The following MRO variants were observed in gnomAD, a reference collection of about 807,000 sequenced individuals.
MRO encodes protein maestro.
MRO carries 28 observed loss-of-function variants against 31.0 expected under a neutral mutation model. That is an observed-to-expected ratio of 0.90 (90% confidence interval 0.67 to 1.24). MRO has a LOEUF of 1.24. Ranked by LOEUF, MRO falls within the 50% of genes most tolerant of loss-of-function variation. The pLI is 0.00. For synonymous variants in MRO, 108 were observed against 108.4 expected (o/e 1.00, Z 0.02); for missense variants, 332 against 289.2 (o/e 1.15, Z -1.07).
chr18:50,809,137 TCC>T (rs1914214802), intron 3 of MRO, among the ~76,000 whole-genome samples, 163 bp downstream of exon 3: 2 of 74,466 alleles, frequency 2.7e-5, no homozygotes, highest in Non-Finnish European at 6.1e-5. Context: ...AGAGCGAGAC[TCC>T]GTCTCAAAAA....
rs916008659 is a variant in MRO, at chr18:50,796,338, G to A, written c.*2999C>T. On this transcript the variant is annotated 3_prime_UTR_variant, in exon 8 of 8. Transcript: ENST00000398439. ...TTTACAGAGTACTTTTGCAGTCACC[G>A]GGGAGATACAATGATGTACAAGATA... is the stretch of plus-strand genomic sequence containing the variant. 5.3e-5 allele frequency: 8 copies of A among 151,878 alleles called. No individual in the cohort carries two copies. Among genetic ancestry groups the A allele is most frequent in the African/African-American group, 7.3e-5 (3 of 41,322 alleles). 9.4% of individuals were successfully genotyped at this position (151,878 alleles called of 1,614,324 possible). A position where few individuals can be genotyped will look rare whatever the true frequency, so the allele number is the denominator to read the frequency against.
intron 5 of MRO, among the ~76,000 whole-genome samples, chr18:50,803,369 C>T (rs58058015): frequency 0.31 from 47,214 of 151,604 alleles, 7,584 homozygotes; most frequent in Middle Eastern, 0.37. Context: ...TAGCCAGGCA[C>T]AGTGGCATGC....
At position 50,819,632 on chromosome 18, in the gene MRO, C is replaced by G; in HGVS notation, c.-56G>C. Reference sequence around the variant, plus strand: ...GTGATGAACCGGAGCCCGTTCCTGACTCGGGAGGGCTGCTTTCCCGGGTAG... The same window carrying G: ...GTGATGAACCGGAGCCCGTTCCTGAGTCGGGAGGGCTGCTTTCCCGGGTAG... On this transcript the variant is annotated 5_prime_UTR_variant, in exon 2 of 8. Transcript: ENST00000398439. 1 of 1,551,634 alleles carries G rather than the reference C, an allele frequency of 6.4e-7. No homozygotes were observed. The highest frequency in any genetic ancestry group is 8.7e-7 in the Non-Finnish European group (1 of 1,146,946).
chr18:50,809,474 G>T, intron 2 of MRO, 70 bp from the exon 3 acceptor site: 1 of 1,071,506 alleles, frequency 9.3e-7, no homozygotes, highest in South Asian at 1.4e-5. Flanking sequence ...GTTGTACAAT[G>T]CATTGTGCTG....
chr18:50,802,920 T>TA lies in MRO; in HGVS notation c.430-1417_430-1416insT, dbSNP rs1599011016. Among the ~76,000 whole-genome samples the TA allele has an allele frequency of 2.0e-3, 268 of 134,934 alleles. 1 individual carries two copies. The highest frequency in any genetic ancestry group is 0.02 in the Middle Eastern group (5 of 254). 88.5% of individuals were successfully genotyped at this position (134,934 alleles called of 152,430 possible). On this transcript the variant is annotated intron_variant, in intron 5 of 7. Transcript: ENST00000398439. Reference sequence around the variant, plus strand: ...TGTTTGTGTATGTGTGTGTGTAGTGTGTGTGTGTGTGTGTGTGTGTGTTTA... The same window carrying TA: ...TGTTTGTGTATGTGTGTGTGTAGTGTAGTGTGTGTGTGTGTGTGTGTGTTTA...
intron 2 of MRO, chr18:50,815,558 G>T: frequency 3.3e-6 from 1 of 302,898 alleles, no homozygotes. Flanking sequence ...TGGTTACATT[G>T]AAATTTTGGT....
At chr18:50,803,984 C>A (rs956644106) in intron 5 of MRO, among the ~76,000 whole-genome samples, 2 of 152,168 alleles carry the variant, frequency 1.3e-5, no homozygotes, top group Non-Finnish European at 1.5e-5. Context: ...TGCCGGTGCA[C>A]TTTTTGCTTA....
chr18:50,800,145 T>A lies in MRO; in HGVS notation c.586-2A>T. On this transcript the variant is annotated splice_acceptor_variant, in intron 6 of 7. Transcript: ENST00000398439. LOFTEE classifies it high-confidence loss of function. ...GGCTTGAAATGTTGTTTTGCAAGCC[T>A]GAGAAAAATAATATTACTATTTTAT... 1 of 1,591,058 alleles carries A rather than the reference T, an allele frequency of 6.3e-7. No individual in the cohort carries two copies. Among genetic ancestry groups the A allele is most frequent in the Non-Finnish European group, 8.6e-7 (1 of 1,161,606 alleles).
chr18:50,806,673 G>A (rs759969981), intron 4 of MRO, 31 bp downstream of exon 4: 2 of 1,613,518 alleles, frequency 1.2e-6, no homozygotes, highest in Non-Finnish European at 1.7e-6. Context: ...GAGGCTTGGG[G>A]AGCTGGCTGA....
At chr18:50,815,261 C>A in intron 2 of MRO, 1 of 249,172 alleles carries the variant, frequency 4.0e-6, no homozygotes, top group South Asian at 5.9e-5. Flanking sequence ...ATAAAGAGGT[C>A]ATGGAAGTGG....
At chr18:50,805,709 A>G (rs973429517) in intron 4 of MRO, among the ~76,000 whole-genome samples, 1 of 152,162 alleles carries the variant, frequency 6.6e-6, no homozygotes, top group Non-Finnish European at 1.5e-5. Context: ...AGGAGGTGGG[A>G]AAAACATCTT....
chr18:50,805,172 G>T lies in MRO; in HGVS notation c.411C>A (p.Thr137=), dbSNP rs1172829565. 2 of 1,612,508 alleles carry T rather than the reference G, an allele frequency of 1.2e-6. No individual in the cohort carries two copies. Among genetic ancestry groups the T allele is most frequent in the African/African-American group, 2.7e-5 (2 of 74,872 alleles). ...TACTTACGTCATCTAATAAAGTCCT[G>T]GTCTGAAGGGTGATATCTATGAAGA... ...GSFFIDITLQ[T]RTLLDDENDS... Residue 137 remains threonine, a synonymous_variant, in exon 5 of 8, where the codon ACC becomes ACA. Transcript: ENST00000398439.
chr18:50,804,995 T>C (rs1329049142), intron 5 of MRO, among the ~76,000 whole-genome samples, 159 bp downstream of exon 5: 1 of 150,034 alleles, frequency 6.7e-6, no homozygotes, highest in Non-Finnish European at 1.5e-5. Flanking sequence ...TTTCACCATG[T>C]TGGCCAGGAT....
chr18:50,801,575 C>T, intron 5 of MRO, 71 bp from the exon 6 acceptor site: 2 of 1,423,112 alleles, frequency 1.4e-6, no homozygotes, highest in Non-Finnish European at 1.9e-6. Flanking sequence ...CTGAACACAT[C>T]ACAGCCATCG....
intron 5 of MRO, among the ~76,000 whole-genome samples, chr18:50,801,770 C>G (rs149660038): frequency 6.6e-6 from 1 of 152,270 alleles, no homozygotes; most frequent in Non-Finnish European, 1.5e-5. Flanking sequence ...CCTGGGAAAT[C>G]ACTAGTGCTA....
In MRO at chr18:50,798,577, A is replaced by G. The variant is rs991696654; in HGVS notation, c.*760T>C. On this transcript the variant is annotated 3_prime_UTR_variant, in exon 8 of 8. Coordinates refer to ENST00000398439, the MANE Select transcript of MRO (RefSeq NM_031939.6). ...CTTTCTCATCTATAAAATGAGAACAATAATAATACTTACTATCTCAGGGTT... is the reference window on the plus strand; with the variant it reads ...CTTTCTCATCTATAAAATGAGAACAGTAATAATACTTACTATCTCAGGGTT... 6.6e-6 allele frequency: 1 copy of G among 152,232 alleles called. No individual in the cohort carries two copies. Among genetic ancestry groups the G allele is most frequent in the Non-Finnish European group, 1.5e-5 (1 of 68,054 alleles). The allele number at this position is 152,232 out of a possible 1,614,324, so 9.4% of individuals were successfully genotyped here. A position where few individuals can be genotyped will look rare whatever the true frequency, so the allele number is the denominator to read the frequency against.
In MRO at chr18:50,815,709, G is replaced by T. The variant is rs143400110; in HGVS notation, c.-5+3872C>A. 993 of 450,872 alleles carry T rather than the reference G, an allele frequency of 2.2e-3. 2 individuals carry two copies. Among genetic ancestry groups the T allele is most frequent in the Non-Finnish European group, 3.7e-3 (841 of 226,860 alleles). The allele number at this position is 450,872 out of a possible 1,614,324, so 27.9% of individuals were successfully genotyped here. On this transcript the variant is annotated intron_variant, in intron 2 of 7. Coordinates refer to ENST00000398439, the MANE Select transcript of MRO (RefSeq NM_031939.6). ...CCGTTATGGATCTGGTAGTGGAAAT[G>T]GTGGATATGGTAACAGAAGGTTCTA...
rs769119487 is a variant in MRO, at chr18:50,801,482, G to A, written c.452C>T (p.Ser151Leu). Residue 151 changes from serine (S) to leucine (L), a missense_variant, in exon 6 of 8, where the codon TCG (serine) becomes TTG (leucine). Ser to Leu is a moderately radical substitution (Grantham distance 145). Coordinates refer to ENST00000398439, the MANE Select transcript of MRO (RefSeq NM_031939.6). ...LDDENDSLRY[S>L]AFVLFGQLAA... is the part of the protein sequence containing the mutation. The stretch of plus-strand genomic sequence containing the variant: ...CAATTGCCCAAACAAAACAAAGGCC[G>A]AGTATCTCAGACTGTCGTTCTCCTG... The A allele has an allele frequency of 4.0e-5, 65 of 1,606,162 alleles. No homozygotes were observed. The highest frequency in any genetic ancestry group is 5.4e-5 in the Non-Finnish European group (63 of 1,176,660).
At chr18:50,825,055 CAA>C (rs1274259754) in intron 1 of MRO, among the ~76,000 whole-genome samples, 1 of 136,902 alleles carries the variant, frequency 7.3e-6, no homozygotes, top group Non-Finnish European at 1.6e-5. Flanking sequence ...GCCTGGGCCA[CAA>C]GAGCAAGATT....
Sources: allele counts gnomAD v4.1 joint callset (sites outside exome capture counted in the v4.1 genomes callset), GRCh38; gene constraint gnomAD v4.1.1; transcripts MANE v1.5; gene names NCBI Gene and HGNC (gene_info 2026-07-23, HGNC 2026-07-21).